The following GRHL2 variants were observed in gnomAD, a reference collection of about 807,000 sequenced individuals.
The protein encoded by GRHL2 is grainyhead like transcription factor 2, also known as grainyhead-like protein 2 homolog.
A neutral mutation model predicts 83.8 loss-of-function variants in GRHL2; 21 were observed. The observed-to-expected ratio is 0.25, with a 90% confidence interval of 0.18 to 0.36. The LOEUF is 0.36. Among genes scored for constraint, GRHL2 ranks in the 10% least tolerant of loss-of-function variants. GRHL2 has a pLI of 1.00. For missense variants in GRHL2, 623 were observed against 781.8 expected, an observed-to-expected ratio of 0.80 and a Z score of 2.42; for synonymous variants, 280 against 278.9, an observed-to-expected ratio of 1.00 and a Z score of -0.04.
chr8:101,543,920 C>T (rs55716806), intron 2 of GRHL2: 17,268 of 191,270 alleles, frequency 0.09, 936 homozygotes, highest in East Asian at 0.2. Context: ...AAAAGGCACT[C>T]CTTACACGGC....
intron 1 of GRHL2, among the ~76,000 whole-genome samples, chr8:101,518,790 A>G (rs1275986145): frequency 1.3e-5 from 2 of 152,204 alleles, no homozygotes; most frequent in African/African-American, 4.8e-5. Flanking sequence ...CTGAAAGTGG[A>G]GGTAATGACA....
chr8:101,547,332 C>A (rs1811287441), intron 2 of GRHL2, among the ~76,000 whole-genome samples: 1 of 152,102 alleles, frequency 6.6e-6, no homozygotes, highest in Non-Finnish European at 1.5e-5. Flanking sequence ...ACTTTGTATG[C>A]CTCTTCAGAG....
chr8:101,503,264 G>T (rs531016065), intron 1 of GRHL2, among the ~76,000 whole-genome samples: 2 of 152,208 alleles, frequency 1.3e-5, no homozygotes, highest in South Asian at 4.2e-4. Context: ...AAGAATATGT[G>T]TATCTTACAT....
chr8:101,617,150 G>T (rs1586147507), intron 8 of GRHL2, among the ~76,000 whole-genome samples: 1 of 151,788 alleles, frequency 6.6e-6, no homozygotes, highest in South Asian at 2.1e-4. Context: ...TTTCATTACT[G>T]ATGGTCCTCG....
chr8:101,535,940 C>T (rs1335973996), intron 1 of GRHL2, among the ~76,000 whole-genome samples: 1 of 152,044 alleles, frequency 6.6e-6, no homozygotes, highest in Non-Finnish European at 1.5e-5. Context: ...AAATTTTTAG[C>T]AAAGGGAGGC....
At chr8:101,636,668 C>A in intron 11 of GRHL2, 1 of 539,260 alleles carries the variant, frequency 1.9e-6, no homozygotes, top group South Asian at 2.6e-5. Context: ...TTATTAAAAT[C>A]TAGGAATTAA....
chr8:101,609,446 A>C (rs555986443), intron 8 of GRHL2, among the ~76,000 whole-genome samples: 1 of 151,174 alleles, frequency 6.6e-6, no homozygotes, highest in East Asian at 1.9e-4. Context: ...ATGCACGCTA[A>C]ATTAGGAAAC....
chr8:101,554,922 G>A (rs558284333), intron 3 of GRHL2, among the ~76,000 whole-genome samples: 1 of 152,252 alleles, frequency 6.6e-6, no homozygotes, highest in African/African-American at 2.4e-5. Context: ...AGCTAAAACT[G>A]TTTAACAGAG....
chr8:101,560,173 ATT>A (rs1411172139), intron 4 of GRHL2, among the ~76,000 whole-genome samples: 10 of 91,748 alleles, frequency 1.1e-4, no homozygotes, highest in South Asian at 2.9e-4. Context: ...GCCTGGCTAA[ATT>A]TTGTGTGTGT....
chr8:101,571,472 T>C (rs1326337651), intron 5 of GRHL2, among the ~76,000 whole-genome samples: 3 of 124,600 alleles, frequency 2.4e-5, no homozygotes, highest in Non-Finnish European at 3.3e-5. Flanking sequence ...CTGGCCAACA[T>C]AGTAAGACCC....
rs1009715587 is a variant in GRHL2, at chr8:101,668,039, G to A, written c.*1336G>A. On this transcript the variant is annotated 3_prime_UTR_variant, in exon 16 of 16. Coordinates refer to ENST00000646743, the MANE Select transcript of GRHL2 (RefSeq NM_024915.4). ...TTTAAGGAAGTGAGTGAGAAAGAAT[G>A]TGCCAAGATACCTGGCTCCTGTGAA... 1.3e-5 allele frequency: 2 copies of A among 152,458 alleles called. No individual in the cohort carries two copies. 9.4% of individuals were successfully genotyped at this position (152,458 alleles called of 1,614,324 possible).
At chr8:101,583,408 A>G (rs1812096626) in intron 7 of GRHL2, among the ~76,000 whole-genome samples, 1 of 152,226 alleles carries the variant, frequency 6.6e-6, no homozygotes, top group Non-Finnish European at 1.5e-5. Context: ...TGGGGGATAC[A>G]GGGGAACAAA....
intron 1 of GRHL2, chr8:101,529,546 T>C: frequency 4.2e-6 from 1 of 237,192 alleles, no homozygotes; most frequent in Non-Finnish European, 8.5e-6. Context: ...CCACTTATGG[T>C]GCACCACCGT....
At chr8:101,625,996 T>C (rs1001412264) in intron 9 of GRHL2, among the ~76,000 whole-genome samples, 1 of 152,102 alleles carries the variant, frequency 6.6e-6, no homozygotes, top group East Asian at 1.9e-4. Context: ...CTGAAATCTT[T>C]TGCTGTAATT....
chr8:101,640,550 C>T (rs1441699667), intron 12 of GRHL2, among the ~76,000 whole-genome samples: 1 of 152,194 alleles, frequency 6.6e-6, no homozygotes, highest in Non-Finnish European at 1.5e-5. Context: ...ATGCAAATAG[C>T]ATGCATGATG....
intron 14 of GRHL2, among the ~76,000 whole-genome samples, chr8:101,657,857 A>G (rs1296876959): frequency 6.6e-6 from 1 of 151,590 alleles, no homozygotes; most frequent in Non-Finnish European, 1.5e-5. Context: ...AGAAAAAGAA[A>G]AAAAGAAAAA....
intron 7 of GRHL2, among the ~76,000 whole-genome samples, chr8:101,594,129 GA>G (rs1812346140): frequency 7.0e-6 from 1 of 142,514 alleles, no homozygotes; most frequent in Non-Finnish European, 1.5e-5. Context: ...AACAGATGCA[GA>G]GACACAAAAG....
At chr8:101,518,137 A>T (rs1248210333) in intron 1 of GRHL2, among the ~76,000 whole-genome samples, 1 of 152,144 alleles carries the variant, frequency 6.6e-6, no homozygotes, top group African/African-American at 2.4e-5. Flanking sequence ...CTTCCCCCAT[A>T]TCACATACTT....
At chr8:101,676,630 A>T in the GRHL2 span, among the ~76,000 whole-genome samples, 4 of 152,170 alleles carry the variant, frequency 2.6e-5, no homozygotes, top group Non-Finnish European at 5.9e-5. Flanking sequence ...AAACTAGTTC[A>T]ACCATTGTGG....
Sources: gnomAD v4.1 joint callset for allele counts (sites outside exome capture counted in the v4.1 genomes callset) on GRCh38, gnomAD v4.1.1 for gene constraint, MANE v1.5 for transcripts, NCBI Gene and HGNC (gene_info 2026-07-23, HGNC 2026-07-21) for gene names.